Variants in RPS6KA2 observed in about 807,000 individuals in gnomAD.
RPS6KA2 encodes the protein ribosomal protein S6 kinase A2, also known as ribosomal protein S6 kinase alpha-2.
In RPS6KA2, 42 loss-of-function variants were observed where a neutral mutation model predicts 91.8. The ratio of observed to expected loss-of-function variants is 0.46; its 90% confidence interval spans 0.36 to 0.59. RPS6KA2 has a LOEUF of 0.59. Ranked by LOEUF, RPS6KA2 falls within the 20% of genes least tolerant of loss-of-function variation. The pLI is 0.00. For missense variants in RPS6KA2, 798 were observed against 978.5 expected, an observed-to-expected ratio of 0.82 and a Z score of 2.46; for synonymous variants, 414 against 393.6, an observed-to-expected ratio of 1.05 and a Z score of -0.61.
At chr6:166,742,383 T>C (rs1024793647) in intron 2 of RPS6KA2, among the ~76,000 whole-genome samples, 1 of 152,204 alleles carries the variant, frequency 6.6e-6, no homozygotes, top group Non-Finnish European at 1.5e-5. Context: ...TGGTATCCTC[T>C]CCGGTGTGGG....
At chr6:166,473,496 T>C (rs4710055) in intron 10 of RPS6KA2, among the ~76,000 whole-genome samples, 41,003 of 152,120 alleles carry the variant, frequency 0.27, 5,977 homozygotes, top group East Asian at 0.51. Context: ...GGATGATTTA[T>C]TCTTTCATTG....
chr6:166,677,932 C>T (rs1013803063), intron 2 of RPS6KA2, among the ~76,000 whole-genome samples: 5 of 152,118 alleles, frequency 3.3e-5, no homozygotes, highest in Non-Finnish European at 5.9e-5. Context: ...TTTTTTAAAG[C>T]AGGGGTTTAA....
At chr6:166,731,450 G>A (rs1300354495) in intron 2 of RPS6KA2, among the ~76,000 whole-genome samples, 1 of 150,994 alleles carries the variant, frequency 6.6e-6, no homozygotes, top group African/African-American at 2.5e-5. Flanking sequence ...GGGGGAAGGA[G>A]GGGCGTGGTG....
At chr6:166,579,858 A>G (rs1250651688) in intron 1 of RPS6KA2, among the ~76,000 whole-genome samples, 1 of 152,330 alleles carries the variant, frequency 6.6e-6, no homozygotes, top group Non-Finnish European at 1.5e-5. Context: ...TGATTATGCA[A>G]ATAACTCACA....
chr6:166,758,282 C>T (rs145109398), intron 2 of RPS6KA2, among the ~76,000 whole-genome samples: 3 of 152,336 alleles, frequency 2.0e-5, no homozygotes, highest in African/African-American at 4.8e-5. Flanking sequence ...ATGATGCCTC[C>T]GCCCCAGAGA....
chr6:166,862,267 CG>C, exon 1 of RPS6KA2: 1 of 1,596,436 alleles, frequency 6.3e-7, no homozygotes, highest in Admixed American at 1.7e-5. Context: ...GACGGGATGT[CG>C]GAAGCCAAGG....
At chr6:166,426,769 G>T (rs2128443353) in intron 16 of RPS6KA2, among the ~76,000 whole-genome samples, 1 of 126,084 alleles carries the variant, frequency 7.9e-6, no homozygotes, top group South Asian at 3.0e-4. Context: ...TTGAATCTCT[G>T]AATAGACCAA....
chr6:166,694,113 A>T (rs1010275541), intron 2 of RPS6KA2, among the ~76,000 whole-genome samples: 8 of 152,226 alleles, frequency 5.3e-5, no homozygotes, highest in African/African-American at 1.9e-4. Flanking sequence ...CGCTGCCCTT[A>T]TATCTCCAAA....
At chr6:166,618,667 G>A (rs575221918) in intron 1 of RPS6KA2, among the ~76,000 whole-genome samples, 2 of 152,208 alleles carry the variant, frequency 1.3e-5, no homozygotes, top group Non-Finnish European at 2.9e-5. Context: ...ATGGCAATTC[G>A]GGCAAATGCC....
chr6:166,557,982 G>A lies in RPS6KA2; in HGVS notation c.100-19198C>T, dbSNP rs1001068083. Reference sequence around the variant, plus strand: ...TATATGTATATACAGAGGGGTGTGTGTGTGTGTGTATATATGTATGTGTAT... The same window carrying A: ...TATATGTATATACAGAGGGGTGTGTATGTGTGTGTATATATGTATGTGTAT... On this transcript the variant is annotated intron_variant, in intron 1 of 20. Coordinates refer to ENST00000265678, the MANE Select transcript of RPS6KA2 (RefSeq NM_021135.6). This position sits in a 1 kb window ranked among gnomAD's most constrained non-coding sequence, Gnocchi z 4.8. Among the ~76,000 whole-genome samples, 1 of 151,096 alleles carries A rather than the reference G, an allele frequency of 6.6e-6. No individual in the cohort carries two copies. Among genetic ancestry groups the A allele is most frequent in the Non-Finnish European group, 1.5e-5 (1 of 67,980 alleles).
In RPS6KA2 at chr6:166,435,072, A is replaced by G. The variant is rs1222012140; in HGVS notation, c.1333-2582T>C. 6.6e-6 allele frequency among the ~76,000 whole-genome samples: 1 copy of G among 152,240 alleles called. No homozygotes were observed. Reference sequence around the variant, plus strand: ...ATATTGTCTATTCAAAATATGAAATAAAGAATTCCAAAATTTCAGCTTACT... The same window carrying G: ...ATATTGTCTATTCAAAATATGAAATGAAGAATTCCAAAATTTCAGCTTACT... On this transcript the variant is annotated intron_variant, in intron 14 of 20. Coordinates refer to ENST00000265678, the MANE Select transcript of RPS6KA2 (RefSeq NM_021135.6). This position sits in a 1 kb window ranked among gnomAD's most constrained non-coding sequence, Gnocchi z 4.3.
At chr6:166,859,101 T>G (rs1018144815) in intron 1 of RPS6KA2, among the ~76,000 whole-genome samples, 1 of 152,288 alleles carries the variant, frequency 6.6e-6, no homozygotes, top group Non-Finnish European at 1.5e-5. Context: ...CTGTCATTAT[T>G]ACTATTTCTA....
chr6:166,430,622 G>A lies in RPS6KA2; in HGVS notation c.1423-11C>T. The stretch of plus-strand genomic sequence containing the variant: ...GCCATCATCATAGACCTGCGGAGTG[G>A]AGAAGGGGCGCACACGTCACCACGG... On this transcript the variant is annotated splice_polypyrimidine_tract_variant and intron_variant, in intron 15 of 20. Transcript: ENST00000265678. 6.2e-7 allele frequency: 1 copy of A among 1,607,634 alleles called. No individual in the cohort carries two copies.
intron 2 of RPS6KA2, among the ~76,000 whole-genome samples, chr6:166,744,399 G>A (rs1583068526): frequency 1.3e-5 from 2 of 152,288 alleles, no homozygotes; most frequent in South Asian, 4.1e-4. Context: ...CGGGGAGTCG[G>A]AGGGGAATGG....
chr6:166,676,296 A>G (rs546997774), intron 2 of RPS6KA2, among the ~76,000 whole-genome samples: 13 of 149,516 alleles, frequency 8.7e-5, no homozygotes, highest in Admixed American at 2.7e-4. Flanking sequence ...CAGCCTATGC[A>G]ACAGACTTAA....
rs778104770 is a variant in RPS6KA2 at position 166,510,349 on chromosome 6, G to A, written c.307C>T (p.Arg103Ter). ...TCTCTCTCCATCTTCGATCTCACTC[G>A]GTCCCGAACTGCAAAGTAAAAAGAT... ...LKKATLKVRDRVRSKMERDIL... is the reference protein window; with the variant it reads ...LKKATLKVRD Residue 103 changes from arginine to a stop codon, truncating the protein, a stop_gained, in exon 4 of 21, where the codon CGA (arginine) becomes TGA (stop). Transcript: ENST00000265678. LOFTEE classifies it high-confidence loss of function. 7.6e-6 allele frequency: 12 copies of A among 1,586,862 alleles called. No homozygotes were observed. Among genetic ancestry groups the A allele is most frequent in the South Asian group, 5.7e-5 (5 of 87,820 alleles).
At chr6:166,656,727 A>G (rs565199353) in intron 2 of RPS6KA2, among the ~76,000 whole-genome samples, 295 of 152,308 alleles carry the variant, frequency 1.9e-3, no homozygotes, top group African/African-American at 6.8e-3. Context: ...CTGCTGTGGG[A>G]ACGGCAGGCC....
At chr6:166,815,084 T>C (rs1019302459) in intron 2 of RPS6KA2, among the ~76,000 whole-genome samples, 1 of 152,196 alleles carries the variant, frequency 6.6e-6, no homozygotes, top group African/African-American at 2.4e-5. Context: ...AAAAATGGTA[T>C]TCTGTGGTAC....
intron 2 of RPS6KA2, among the ~76,000 whole-genome samples, chr6:166,824,328 C>G (rs1042707692): frequency 5.9e-5 from 9 of 152,174 alleles, no homozygotes; most frequent in Non-Finnish European, 1.3e-4. Flanking sequence ...ACAGAGAAGC[C>G]GCCGTGTGGG....
Sources: gnomAD v4.1 joint callset for allele counts (sites outside exome capture counted in the v4.1 genomes callset) on GRCh38, gnomAD v4.1.1 for gene constraint, Gnocchi (gnomAD v3.1) non-coding constraint, MANE v1.5 for transcripts, NCBI Gene and HGNC (gene_info 2026-07-23, HGNC 2026-07-21) for gene names.